ZBTB40: variants seen among roughly 807,000 people sequenced by gnomAD.
The protein encoded by ZBTB40 is zinc finger and BTB domain-containing protein 40.
Under a neutral mutation model 117.5 loss-of-function variants are expected in ZBTB40, and 60 were observed. The observed-to-expected ratio is 0.51, with a 90% CI of 0.41 to 0.63. The LOEUF is 0.63. ZBTB40 is among the 30% of genes least tolerant of loss of function. ZBTB40 has a pLI of 0.00. For missense variants in ZBTB40, 1,287 were observed against 1,498.5 expected, an observed-to-expected ratio of 0.86 and a Z score of 2.33; for synonymous variants, 525 against 577.1, an observed-to-expected ratio of 0.91 and a Z score of 1.29.
chr1:22,467,562 C>A (rs948700702), intron 1 of ZBTB40, among the ~76,000 whole-genome samples: 1 of 152,136 alleles, frequency 6.6e-6, no homozygotes, highest in Non-Finnish European at 1.5e-5. Context: ...GCAATCTCTG[C>A]CTCCCTGGTT....
chr1:22,436,426 C>T (rs1027115337), intron 1 of ZBTB40, among the ~76,000 whole-genome samples: 5 of 152,120 alleles, frequency 3.3e-5, no homozygotes, highest in African/African-American at 7.2e-5. Context: ...GCAGGAGAAT[C>T]GCTTGAACCC....
intron 1 of ZBTB40, among the ~76,000 whole-genome samples, chr1:22,474,897 G>T (rs541667049): frequency 2.6e-4 from 39 of 148,674 alleles, no homozygotes; most frequent in African/African-American, 9.2e-4. Context: ...CCTCAAAATA[G>T]AAGTCAAGAT....
chr1:22,458,222 C>G (rs916037318), intron 1 of ZBTB40, among the ~76,000 whole-genome samples: 1 of 152,166 alleles, frequency 6.6e-6, no homozygotes, highest in Non-Finnish European at 1.5e-5. Context: ...ACACTGTTAC[C>G]AGTGGTCTTT....
intron 1 of ZBTB40, among the ~76,000 whole-genome samples, chr1:22,487,904 T>C (rs1451374630): frequency 6.6e-6 from 1 of 152,172 alleles, no homozygotes; most frequent in Non-Finnish European, 1.5e-5. Context: ...ATTCATCTCT[T>C]AACACTCCTA....
chr1:22,467,196 C>A (rs964374798), intron 1 of ZBTB40, among the ~76,000 whole-genome samples: 1 of 151,910 alleles, frequency 6.6e-6, no homozygotes, highest in Non-Finnish European at 1.5e-5. Context: ...TTTTTTCCTG[C>A]TACTATCATG....
chr1:22,478,670 A>G (rs1023364060), intron 1 of ZBTB40, among the ~76,000 whole-genome samples: 1 of 151,926 alleles, frequency 6.6e-6, no homozygotes, highest in African/African-American at 2.4e-5. Flanking sequence ...CATAGTAAGC[A>G]CTCATTATGT....
At chr1:22,474,568 G>A (rs2124409156) in intron 1 of ZBTB40, among the ~76,000 whole-genome samples, 1 of 152,266 alleles carries the variant, frequency 6.6e-6, no homozygotes, top group South Asian at 2.1e-4. Flanking sequence ...CTTTTTGTGT[G>A]TAGCAAACCC....
intron 1 of ZBTB40, among the ~76,000 whole-genome samples, chr1:22,442,061 C>A (rs1186682120): frequency 1.3e-5 from 2 of 152,156 alleles, no homozygotes; most frequent in Non-Finnish European, 1.5e-5. Context: ...TTAATCTCCA[C>A]AAATTTGTGC....
At chr1:22,516,962 G>T (rs1427035759) in intron 12 of ZBTB40, among the ~76,000 whole-genome samples, 1 of 152,182 alleles carries the variant, frequency 6.6e-6, no homozygotes, top group African/African-American at 2.4e-5. Context: ...CCAAACCCAC[G>T]TGTTTCTGGG....
At chr1:22,507,744 G>A (rs1281618446) in intron 6 of ZBTB40, among the ~76,000 whole-genome samples, 1 of 152,084 alleles carries the variant, frequency 6.6e-6, no homozygotes, top group Non-Finnish European at 1.5e-5. Context: ...TACCCCCCTG[G>A]TGAGCAATTG....
At chr1:22,508,451 A>C (rs1464257203) in intron 7 of ZBTB40, 79 bp from the exon 8 acceptor site, 6 of 1,531,432 alleles carry the variant, frequency 3.9e-6, no homozygotes, top group Non-Finnish European at 5.4e-6. Context: ...ACTGTAACCC[A>C]ATATCTAGAC....
In ZBTB40 at chr1:22,491,550, T is replaced by C. The variant is rs1182442229; in HGVS notation, c.831+17T>C. ...CAGAAGGAGGTAGGCACCTCTGACT[T>C]TTGTACTTGTTTGCTAGTTTAGTGT... On this transcript the variant is annotated intron_variant, in intron 3 of 17. Coordinates refer to ENST00000375647, the MANE Select transcript of ZBTB40 (RefSeq NM_014870.4). 6.2e-7 allele frequency: 1 copy of C among 1,613,396 alleles called. No homozygotes were observed. Among genetic ancestry groups the C allele is most frequent in the African/African-American group, 1.3e-5 (1 of 74,886 alleles).
intron 3 of ZBTB40, among the ~76,000 whole-genome samples, chr1:22,493,670 A>G (rs1638695080): frequency 1.3e-5 from 2 of 151,774 alleles, no homozygotes; most frequent in Admixed American, 1.3e-4. Flanking sequence ...CTGGGTAACC[A>G]CTGGTCTGCT....
Position 22,528,801 on chromosome 1 carries a change from G to C in ZBTB40, c.*2405G>C, listed in dbSNP as rs1167698733. On this transcript the variant is annotated 3_prime_UTR_variant, in exon 18 of 18. Transcript: ENST00000375647. ...TTCTCCCACCTGGGCCTCCCAAAGT[G>C]CTAGGATTACAGACATGAGCCACTA... The C allele has an allele frequency of 2.0e-5, 3 of 151,896 alleles. No homozygotes were observed. Among genetic ancestry groups the C allele is most frequent in the African/African-American group, 7.3e-5 (3 of 41,294 alleles). 9.4% of individuals were successfully genotyped at this position (151,896 alleles called of 1,614,324 possible).
chr1:22,452,219 G>T (rs988949640), intron 1 of ZBTB40, among the ~76,000 whole-genome samples: 1 of 152,160 alleles, frequency 6.6e-6, no homozygotes, highest in Non-Finnish European at 1.5e-5. Flanking sequence ...CTGCGGAGGG[G>T]AGAGACCGCG....
rs1264780816 is a variant in ZBTB40, at chr1:22,522,477, T to C, written c.3298+14T>C. The stretch of plus-strand genomic sequence containing the variant: ...GCCAGCATTCAGGTCAGTACCCCTG[T>C]CAGCATACTTCTAGGCTAGACTCGG... On this transcript the variant is annotated intron_variant, in intron 16 of 17. Transcript: ENST00000375647. The C allele has an allele frequency of 7.4e-6, 12 of 1,613,704 alleles. No individual in the cohort carries two copies. The East Asian group carries it at 2.0e-4, about 27-fold the overall frequency.
In ZBTB40 at chr1:22,508,862, T is replaced by C. The variant is rs372611302; in HGVS notation, c.1699+131T>C. 4.4e-6 allele frequency: 5 copies of C among 1,125,470 alleles called. No homozygotes were observed. The African/African-American group carries it at 7.9e-5, about 18-fold the overall frequency. 69.7% of individuals were successfully genotyped at this position (1,125,470 alleles called of 1,614,324 possible). A position where few individuals can be genotyped will look rare whatever the true frequency, so the allele number is the denominator to read the frequency against. ...CTATTAGAAGTAAGGACTGGCAGTTTTGTTCAAGGACACAAGAGTTTGTAA... is the reference window on the plus strand; with the variant it reads ...CTATTAGAAGTAAGGACTGGCAGTTCTGTTCAAGGACACAAGAGTTTGTAA... On this transcript the variant is annotated intron_variant, in intron 8 of 17. Coordinates refer to ENST00000375647, the MANE Select transcript of ZBTB40 (RefSeq NM_014870.4).
chr1:22,521,761 A>T, intron 15 of ZBTB40, 103 bp downstream of exon 15: 1 of 1,530,598 alleles, frequency 6.5e-7, no homozygotes, highest in Non-Finnish European at 9.0e-7. Context: ...TGTGATGTGC[A>T]GTGGTCATTG....
chr1:22,430,759 C>A (rs1338838081), intron 1 of ZBTB40, among the ~76,000 whole-genome samples: 1 of 151,956 alleles, frequency 6.6e-6, no homozygotes, highest in Admixed American at 6.6e-5. Flanking sequence ...CTGTGAGGAA[C>A]CATGCCCAGC....
Sources: gnomAD v4.1 joint callset for allele counts (sites outside exome capture counted in the v4.1 genomes callset) on GRCh38, gnomAD v4.1.1 for gene constraint, MANE v1.5 for transcripts, NCBI Gene and HGNC (gene_info 2026-07-23, HGNC 2026-07-21) for gene names.